The following XXYLT1 variants were observed in gnomAD, a reference collection of about 807,000 sequenced individuals.
XXYLT1 encodes UDP-xylose:alpha-xyloside alpha-1,3-xylosyltransferase.
XXYLT1 carries 20 observed loss-of-function variants against 28.9 expected under a neutral mutation model. That is an observed-to-expected ratio of 0.69 (90% CI 0.49 to 1.00). XXYLT1 has a LOEUF of 1.00. XXYLT1 is among the 50% of genes least tolerant of loss of function. The probability of loss-of-function intolerance (pLI) is 0.00; values close to 1 mark genes in which losing one functional copy is unlikely to be tolerated. For synonymous variants in XXYLT1, 257 were observed against 253.8 expected (o/e 1.01, Z -0.12); for missense variants, 542 against 560.1 (o/e 0.97, Z 0.33).
At chr3:195,221,467 G>A (rs1461519459) in intron 2 of XXYLT1, among the ~76,000 whole-genome samples, 1 of 152,256 alleles carries the variant, frequency 6.6e-6, no homozygotes, top group Admixed American at 6.5e-5. Context: ...TATTGACAAA[G>A]GATTGACTGC....
At chr3:195,242,754 T>C (rs917518972) in intron 1 of XXYLT1, among the ~76,000 whole-genome samples, 3 of 152,132 alleles carry the variant, frequency 2.0e-5, no homozygotes, top group Non-Finnish European at 4.4e-5. Flanking sequence ...CCTTTTAATA[T>C]GCAAATGTAG....
At chr3:195,220,155 AC>A in intron 2 of XXYLT1, among the ~76,000 whole-genome samples, 1 of 152,080 alleles carries the variant, frequency 6.6e-6, no homozygotes, top group South Asian at 2.1e-4. Flanking sequence ...GTTGTTTGAG[AC>A]AGAGTCTCAC....
chr3:195,198,689 A>G (rs1722727379), intron 2 of XXYLT1, among the ~76,000 whole-genome samples: 1 of 152,168 alleles, frequency 6.6e-6, no homozygotes, highest in Non-Finnish European at 1.5e-5. Context: ...GTGTTTTTTC[A>G]GTGCTCGTAA....
chr3:195,234,508 G>A lies in XXYLT1; in HGVS notation c.505-7652C>T, dbSNP rs555081203. ...TAATTTTTATATTTTTAGTAAAGAC[G>A]GGGTTTCACCATCTTGGCCAGGCTG... On this transcript the variant is annotated intron_variant, in intron 1 of 3. Transcript: ENST00000310380. Among the ~76,000 whole-genome samples, 5 of 151,352 alleles carry A rather than the reference G, an allele frequency of 3.3e-5. No homozygotes were observed. The East Asian group carries it at 5.9e-4, about 18-fold the overall frequency.
chr3:195,206,780 C>A (rs1449017591), intron 2 of XXYLT1, among the ~76,000 whole-genome samples: 2 of 151,732 alleles, frequency 1.3e-5, no homozygotes, highest in Non-Finnish European at 2.9e-5. Flanking sequence ...AAAAAAAGTA[C>A]TTTTCTGTTA....
intron 2 of XXYLT1, among the ~76,000 whole-genome samples, chr3:195,184,228 GC>G (rs1319064212): frequency 6.6e-6 from 1 of 152,178 alleles, no homozygotes; most frequent in African/African-American, 2.4e-5. Flanking sequence ...TTAATTCAGT[GC>G]AAAAGAACAA....
chr3:195,262,082 C>A (rs573909696), intron 1 of XXYLT1, among the ~76,000 whole-genome samples: 1 of 152,186 alleles, frequency 6.6e-6, no homozygotes, highest in African/African-American at 2.4e-5. Flanking sequence ...AGCCTCAAAG[C>A]GGAAACAACC....
intron 1 of XXYLT1, among the ~76,000 whole-genome samples, chr3:195,269,772 A>G (rs756946377): frequency 9.8e-5 from 15 of 152,354 alleles, no homozygotes; most frequent in Non-Finnish European, 2.1e-4. Context: ...TATTAGGTCA[A>G]AATCAAATAA....
At chr3:195,208,746 A>G (rs1179074217) in intron 2 of XXYLT1, among the ~76,000 whole-genome samples, 1 of 152,146 alleles carries the variant, frequency 6.6e-6, no homozygotes, top group African/African-American at 2.4e-5. Context: ...TCTGTCACTG[A>G]GCTGAGCTGC....
chr3:195,164,642 T>G (rs1168239733), intron 2 of XXYLT1, among the ~76,000 whole-genome samples: 1 of 152,230 alleles, frequency 6.6e-6, no homozygotes, highest in Non-Finnish European at 1.5e-5. Context: ...ATTTCTGCAA[T>G]GCCCAGAGAG....
chr3:195,159,594 G>A (rs1270172783), intron 2 of XXYLT1, among the ~76,000 whole-genome samples: 2 of 152,188 alleles, frequency 1.3e-5, no homozygotes, highest in Non-Finnish European at 2.9e-5. Flanking sequence ...GAAGACAAGT[G>A]AGTACAAGCT....
chr3:195,173,493 C>T lies in XXYLT1; in HGVS notation c.653-16912G>A, dbSNP rs897940234. Among the ~76,000 whole-genome samples, 1 of 152,190 alleles carries T rather than the reference C, an allele frequency of 6.6e-6. No individual in the cohort carries two copies. The highest frequency in any genetic ancestry group is 2.4e-5 in the African/African-American group (1 of 41,446). On this transcript the variant is annotated intron_variant, in intron 2 of 3. Coordinates refer to ENST00000310380, the MANE Select transcript of XXYLT1 (RefSeq NM_152531.5). The surrounding 1 kb of genome is among the most constrained non-coding windows in gnomAD (Gnocchi z 4.3). ...CAGCTCCCAGCACAGCCTTGCTATG[C>T]ACCTAAAAACGGACATGAAACTCTA...
intron 1 of XXYLT1, among the ~76,000 whole-genome samples, chr3:195,245,580 G>A (rs918924911): frequency 7.2e-5 from 11 of 152,146 alleles, no homozygotes; most frequent in African/African-American, 2.2e-4. Context: ...AAGGAACTAC[G>A]GGTGTTTGCC....
At chr3:195,229,441 T>G (rs1051670510) in intron 1 of XXYLT1, among the ~76,000 whole-genome samples, 8 of 152,348 alleles carry the variant, frequency 5.3e-5, no homozygotes, top group East Asian at 1.9e-4. Context: ...AACTACTTTT[T>G]ACTGTAGTCA....
intron 3 of XXYLT1, among the ~76,000 whole-genome samples, chr3:195,109,923 A>G (rs1311162492): frequency 6.1e-5 from 1 of 16,490 alleles, no homozygotes; most frequent in Non-Finnish European, 1.2e-4. Flanking sequence ...GTGTGGGGGT[A>G]TATGTGTGTG....
In XXYLT1 at chr3:195,078,080, ACG is replaced by A. The variant is rs1481623387; in HGVS notation, c.786-7971_786-7970del. On this transcript the variant is annotated intron_variant, in intron 3 of 3. Transcript: ENST00000310380. The surrounding 1 kb of genome is among the most constrained non-coding windows in gnomAD (Gnocchi z 5.0). ...GCTTTAAGCCTGGATCCCTACTCAG[ACG>A]GCGGAGCCAGAAACAGCCATGGCGG... Among the ~76,000 whole-genome samples the A allele has an allele frequency of 6.6e-6, 1 of 152,082 alleles. No individual in the cohort carries two copies. Among genetic ancestry groups the A allele is most frequent in the Admixed American group, 6.5e-5 (1 of 15,270 alleles).
intron 1 of XXYLT1, among the ~76,000 whole-genome samples, chr3:195,235,512 C>A (rs1228110257): frequency 2.6e-5 from 4 of 152,100 alleles, no homozygotes; most frequent in African/African-American, 9.7e-5. Flanking sequence ...CAAGACTGGC[C>A]CCTGGTGCCT....
At position 195,077,877 on chromosome 3, in the gene XXYLT1, C is replaced by T. The variant is rs148071181; in HGVS notation, c.786-7766G>A. 7.9e-5 allele frequency among the ~76,000 whole-genome samples: 12 copies of T among 152,264 alleles called. No individual in the cohort carries two copies. In the East Asian group the frequency reaches 1.9e-3, roughly 25 times the overall value. ...TTCTCCTGGCCCTCCGCTCCCCGTGCCCAGCCTGCCTGGGGTTGTCAGTCA... is the reference window on the plus strand; with the variant it reads ...TTCTCCTGGCCCTCCGCTCCCCGTGTCCAGCCTGCCTGGGGTTGTCAGTCA... On this transcript the variant is annotated intron_variant, in intron 3 of 3. Transcript: ENST00000310380. The surrounding 1 kb of genome is among the most constrained non-coding windows in gnomAD (Gnocchi z 4.8).
intron 2 of XXYLT1, among the ~76,000 whole-genome samples, chr3:195,174,567 G>T (rs1487884280): frequency 1.3e-5 from 2 of 151,744 alleles, no homozygotes; most frequent in African/African-American, 4.8e-5. Flanking sequence ...TGAACTCCTG[G>T]GCTCAAGTGA....
Sources: gnomAD v4.1 joint callset for allele counts (sites outside exome capture counted in the v4.1 genomes callset) on GRCh38, gnomAD v4.1.1 for gene constraint, Gnocchi (gnomAD v3.1) non-coding constraint, MANE v1.5 for transcripts, NCBI Gene and HGNC (gene_info 2026-07-23, HGNC 2026-07-21) for gene names.